Variants in PRPH2 observed in about 807,000 individuals in gnomAD.
The protein encoded by PRPH2 is peripherin-2.
In PRPH2, 17 loss-of-function variants were observed where a neutral mutation model predicts 31.3. The ratio of observed to expected loss-of-function variants is 0.54; its 90% CI spans 0.37 to 0.81. The LOEUF (loss-of-function observed/expected upper bound fraction) is 0.81. Among genes scored for constraint, PRPH2 ranks in the 40% least tolerant of loss-of-function variants. The pLI, the probability that PRPH2 is intolerant of heterozygous loss-of-function variation, is 0.00. For missense variants in PRPH2, 430 were observed against 439.7 expected (o/e 0.98, Z 0.20); for synonymous variants, 165 against 184.4 (o/e 0.89, Z 0.85).
chr6:42,702,432 T>G (rs758501711), intron 2 of PRPH2, among the ~76,000 whole-genome samples: 22 of 151,544 alleles, frequency 1.5e-4, no homozygotes, highest in Non-Finnish European at 2.4e-4. Context: ...CCTGGCTTTG[T>G]ACATTGGGAT....
chr6:42,722,074 G>T lies in PRPH2; in HGVS notation c.261C>A (p.Asp87Glu). The change falls in exon 1 of 3, where the codon GAC becomes GAA. Residue 87 changes from aspartate to glutamate, a missense_variant. By Grantham distance (45) the Asp-to-Glu change is conservative. Coordinates refer to ENST00000230381, the MANE Select transcript of PRPH2 (RefSeq NM_000322.5). This position sits in a 1 kb window ranked among gnomAD's most constrained non-coding sequence, Gnocchi z 4.4. ...GCTTCCATCTGGCATACTTGGCTGGGTCCAGGGCGTCGTAGCAGATCTTCC... is the reference window on the plus strand; with the variant it reads ...GCTTCCATCTGGCATACTTGGCTGGTTCCAGGGCGTCGTAGCAGATCTTCC... ...LAGKICYDAL[D>E]PAKYARWKPW... 6.2e-7 allele frequency: 1 copy of T among 1,614,148 alleles called. No homozygotes were observed. The highest frequency in any genetic ancestry group is 1.1e-5 in the South Asian group (1 of 91,088).
intron 2 of PRPH2, among the ~76,000 whole-genome samples, chr6:42,701,285 G>A (rs1046274751): frequency 2.0e-5 from 3 of 151,978 alleles, no homozygotes; most frequent in African/African-American, 4.8e-5. Flanking sequence ...CATTAGGCCC[G>A]GCTAATCTTG....
At chr6:42,716,757 A>C (rs796874940) in intron 1 of PRPH2, among the ~76,000 whole-genome samples, 1 of 150,116 alleles carries the variant, frequency 6.7e-6, no homozygotes, top group Non-Finnish European at 1.5e-5. Flanking sequence ...AGTAGCTGGG[A>C]TTATAGGTGT....
intron 1 of PRPH2, among the ~76,000 whole-genome samples, chr6:42,709,334 TAAAA>T (rs58632063): frequency 4.8e-4 from 37 of 77,050 alleles, no homozygotes; most frequent in African/African-American, 1.6e-3. Context: ...TGTCTCAAAT[TAAAA>T]AAAAAAAAAA....
At chr6:42,704,054 C>G (rs746276262) in intron 2 of PRPH2, among the ~76,000 whole-genome samples, 9 of 150,868 alleles carry the variant, frequency 6.0e-5, no homozygotes, top group Non-Finnish European at 1.2e-4. Flanking sequence ...GAGCTGAGAT[C>G]ATGCCACTGC....
intron 1 of PRPH2, among the ~76,000 whole-genome samples, chr6:42,707,975 A>G (rs1307672329): frequency 1.3e-5 from 2 of 152,210 alleles, no homozygotes; most frequent in Admixed American, 6.5e-5. Flanking sequence ...GCTTCCTTAT[A>G]TTTGAAACAA....
intron 1 of PRPH2, among the ~76,000 whole-genome samples, chr6:42,716,971 T>TTC (rs1761799230): frequency 1.6e-5 from 2 of 125,228 alleles, no homozygotes; most frequent in African/African-American, 6.1e-5. Context: ...TCTTTTTTTT[T>TTC]TTTTTTTTTT....
rs539935347 is a variant in PRPH2, at chr6:42,709,539, C to T, written c.582-4928G>A. 1.1e-3 allele frequency among the ~76,000 whole-genome samples: 174 copies of T among 152,206 alleles called. 1 individual carries two copies. Among genetic ancestry groups the T allele is most frequent in the Non-Finnish European group, 1.6e-3 (106 of 68,016 alleles). On this transcript the variant is annotated intron_variant, in intron 1 of 2. Coordinates refer to ENST00000230381, the MANE Select transcript of PRPH2 (RefSeq NM_000322.5). ...AGTGAATAAATGCCCCTGCCTTCCT[C>T]GATCTTATGGCCTAGAGGGTTGAGG...
At chr6:42,710,242 G>T (rs1364078642) in intron 1 of PRPH2, among the ~76,000 whole-genome samples, 1 of 152,022 alleles carries the variant, frequency 6.6e-6, no homozygotes, top group Non-Finnish European at 1.5e-5. Flanking sequence ...TCTCCCCTCA[G>T]ACTGGGGCCC....
intron 1 of PRPH2, among the ~76,000 whole-genome samples, chr6:42,715,323 C>T (rs3846893): frequency 0.58 from 87,982 of 151,976 alleles, 25,468 homozygotes; most frequent in Middle Eastern, 0.63. Flanking sequence ...CTTGGCAACA[C>T]GGTCATAGGC....
In PRPH2 at chr6:42,706,442, A is replaced by C. The variant is rs543522179; in HGVS notation, c.582-1831T>G. On this transcript the variant is annotated intron_variant, in intron 1 of 2. Transcript: ENST00000230381. ...AATAAAAAATAAAAAAATAAAAATA[A>C]AAATACAAAAAAATTAGCCAGGCGT... is the stretch of plus-strand genomic sequence containing the variant. Among the ~76,000 whole-genome samples, 325 of 151,738 alleles carry C rather than the reference A, an allele frequency of 2.1e-3. 1 individual carries two copies. The highest frequency in any genetic ancestry group is 7.5e-3 in the African/African-American group (311 of 41,466).
rs764833128 is a variant in PRPH2 at position 42,698,325 on chromosome 6, T to G, written c.1011A>C (p.Ala337=). Residue 337 remains alanine, a synonymous_variant, in exon 3 of 3, where the codon GCA becomes GCC. Transcript: ENST00000230381. ...GKGNQVEAEG[A]DAGQAPEAG is the part of the protein sequence containing the mutation. ...CAGCCTCTGGGGCCTGGCCTGCGTC[T>G]GCGCCCTCGGCTTCCACCTGGTTGC... The G allele has an allele frequency of 2.5e-6, 4 of 1,613,960 alleles. No homozygotes were observed. The highest frequency in any genetic ancestry group is 1.1e-5 in the South Asian group (1 of 91,084).
At chr6:42,719,261 C>T (rs1375461687) in intron 1 of PRPH2, among the ~76,000 whole-genome samples, 6 of 151,684 alleles carry the variant, frequency 4.0e-5, no homozygotes, top group African/African-American at 9.7e-5. Flanking sequence ...CCCCGCCTCC[C>T]TGCTTCTCTG....
intron 2 of PRPH2, among the ~76,000 whole-genome samples, chr6:42,702,108 T>C (rs1381141867): frequency 2.0e-5 from 3 of 151,788 alleles, no homozygotes; most frequent in Non-Finnish European, 2.9e-5. Context: ...GGCGTGGTGG[T>C]GGGCGCCTGT....
chr6:42,718,392 C>T (rs1467772496), intron 1 of PRPH2, among the ~76,000 whole-genome samples: 4 of 151,950 alleles, frequency 2.6e-5, no homozygotes, highest in Admixed American at 6.6e-5. Context: ...AGCTTGAACC[C>T]TGGAGGTGAT....
At chr6:42,711,707 A>G in intron 1 of PRPH2, 1 of 959,606 alleles carries the variant, frequency 1.0e-6, no homozygotes, top group Non-Finnish European at 1.2e-6. Flanking sequence ...GTCAAGTTCT[A>G]ATCTTCTCCT....
rs751698556 is a variant in PRPH2, at chr6:42,704,483, T to C, written c.710A>G (p.Asp237Gly). Residue 237 changes from aspartate to glycine, a missense_variant, in exon 2 of 3, where the codon GAC becomes GGC. Physicochemically the swap from Asp to Gly is moderately conservative, Grantham distance 94. Transcript: ENST00000230381. ...CAGGTTGAGCTCCTCCGTCTGGTGGTCGTAACTGTAGTGTGCTGAGTTGTT... is the reference window on the plus strand; with the variant it reads ...CAGGTTGAGCTCCTCCGTCTGGTGGCCGTAACTGTAGTGTGCTGAGTTGTT... Reference protein sequence around the residue: ...ITNNSAHYSYDHQTEELNLWV... With the variant: ...ITNNSAHYSYGHQTEELNLWV... The C allele has an allele frequency of 6.2e-7, 1 of 1,614,012 alleles. No homozygotes were observed. Among genetic ancestry groups the C allele is most frequent in the Admixed American group, 1.7e-5 (1 of 59,984 alleles).
chr6:42,701,370 G>A (rs2268686), intron 2 of PRPH2, among the ~76,000 whole-genome samples: 40,740 of 151,762 alleles, frequency 0.27, 5,655 homozygotes, highest in East Asian at 0.45. Context: ...GTGATCCCCC[G>A]CCTCGGCCTC....
rs425876 is a variant in PRPH2 at position 42,698,407 on chromosome 6, C to T, written c.929G>A (p.Arg310Lys). The T allele has an allele frequency of 0.91, 1,461,002 of 1,614,118 alleles. 662,152 individuals carry two copies. Among genetic ancestry groups the T allele is most frequent in the East Asian group, 1 (44,796 of 44,848 alleles). The change falls in exon 3 of 3, where the codon AGG (arginine) becomes AAG (lysine). Residue 310 changes from arginine (R) to lysine (K), a missense_variant. Transcript: ENST00000230381. Reference protein sequence around the residue: ...ESESQGWLLERSVPETWKAFL... With the variant: ...ESESQGWLLEKSVPETWKAFL... ...GGCCTTCCAGGTCTCCGGCACGCTC[C>T]TCTCCAGCAGCCAGCCCTGGCTCTC...
Sources: gnomAD v4.1 joint callset for allele counts (sites outside exome capture counted in the v4.1 genomes callset) on GRCh38, gnomAD v4.1.1 for gene constraint, Gnocchi (gnomAD v3.1) non-coding constraint, MANE v1.5 for transcripts, NCBI Gene and HGNC (gene_info 2026-07-23, HGNC 2026-07-21) for gene names.